Variants in IQCM observed in about 807,000 individuals in gnomAD.
IQCM encodes IQ motif containing M, also known as IQ domain-containing protein M.
IQCM carries 45 observed loss-of-function variants against 57.6 expected under a neutral mutation model. That is an observed-to-expected ratio of 0.78 (90% CI 0.62 to 1.00). The LOEUF (loss-of-function observed/expected upper bound fraction) is 1.00, where lower values mean the gene tolerates loss of function less well. IQCM is among the 50% of genes least tolerant of loss of function. IQCM has a pLI of 0.00. For missense variants in IQCM, 468 were observed against 511.6 expected (o/e 0.91, Z 0.82); for synonymous variants, 148 against 158.9 (o/e 0.93, Z 0.51).
intron 7 of IQCM, among the ~76,000 whole-genome samples, chr4:149,623,718 GGTGTGTGTGTGT>G (rs3057342): frequency 1.4e-5 from 2 of 145,998 alleles, no homozygotes; most frequent in South Asian, 2.2e-4. Flanking sequence ...CTGAATCCCA[GGTGTGTGTGTGT>G]GTGTGTGTGT....
chr4:149,507,720 G>GA lies in IQCM; in HGVS notation c.1228+40734dup, dbSNP rs1029690202. Among the ~76,000 whole-genome samples, 145 of 151,264 alleles carry GA rather than the reference G, an allele frequency of 9.6e-4. 1 individual carries two copies. Among genetic ancestry groups the GA allele is most frequent in the South Asian group, 4.8e-3 (23 of 4,792 alleles). On this transcript the variant is annotated intron_variant, in intron 12 of 13. Coordinates refer to ENST00000636793, the MANE Select transcript of IQCM (RefSeq NM_001363507.2). Reference sequence around the variant, plus strand: ...AAATTTGCAGCATGACAATGCAATAGAAAAAAAAATCCCATCTTCTGAGGA... The same window carrying GA: ...AAATTTGCAGCATGACAATGCAATAGAAAAAAAAAATCCCATCTTCTGAGGA...
intron 8 of IQCM, among the ~76,000 whole-genome samples, chr4:149,615,823 A>T (rs757181663): frequency 3.9e-5 from 6 of 151,936 alleles, no homozygotes; most frequent in Non-Finnish European, 8.8e-5. Context: ...CCTTGTTTCC[A>T]CTCCTCTTTT....
intron 2 of IQCM, among the ~76,000 whole-genome samples, chr4:149,767,979 G>C (rs918538835): frequency 6.6e-6 from 1 of 151,898 alleles, no homozygotes; most frequent in Non-Finnish European, 1.5e-5. Flanking sequence ...AACTTACATA[G>C]CTGGCCTAAT....
intron 2 of IQCM, among the ~76,000 whole-genome samples, chr4:149,778,207 T>C (rs1675061702): frequency 1.3e-5 from 2 of 152,112 alleles, no homozygotes; most frequent in Non-Finnish European, 2.9e-5. Flanking sequence ...AAACCCCATC[T>C]CTACTAAAAA....
In IQCM at chr4:149,569,740, T is replaced by G. The variant is rs1247918189; in HGVS notation, c.750-5850A>C. Among the ~76,000 whole-genome samples, 4 of 152,222 alleles carry G rather than the reference T, an allele frequency of 2.6e-5. No individual in the cohort carries two copies. The South Asian group carries it at 6.2e-4, about 24-fold the overall frequency. On this transcript the variant is annotated intron_variant, in intron 9 of 13. Transcript: ENST00000636793. ...TAAACTGACATCATAACCATGAACC[T>G]GTTAGACTAAGCAAAAGAACTGATT... is the stretch of plus-strand genomic sequence containing the variant.
chr4:149,491,387 C>T (rs1742077777), intron 12 of IQCM, among the ~76,000 whole-genome samples: 1 of 152,008 alleles, frequency 6.6e-6, no homozygotes, highest in Non-Finnish European at 1.5e-5. Flanking sequence ...ACTTATTATT[C>T]CTAATTGAAA....
intron 2 of IQCM, among the ~76,000 whole-genome samples, chr4:149,807,220 A>G (rs760708229): frequency 6.6e-6 from 1 of 152,066 alleles, no homozygotes; most frequent in Non-Finnish European, 1.5e-5. Context: ...AAGCAAAAAA[A>G]GCAAGGCTAG....
intron 8 of IQCM, among the ~76,000 whole-genome samples, chr4:149,601,921 G>A (rs1032983641): frequency 2.2e-4 from 34 of 151,554 alleles, no homozygotes; most frequent in African/African-American, 8.2e-4. Context: ...AGGCGTGGTG[G>A]CTGTCGCCTG....
intron 13 of IQCM, among the ~76,000 whole-genome samples, chr4:149,361,821 G>T (rs554609842): frequency 6.6e-6 from 1 of 152,190 alleles, no homozygotes; most frequent in African/African-American, 2.4e-5. Context: ...CCCTACTGGG[G>T]CACAGGAGAG....
intron 12 of IQCM, among the ~76,000 whole-genome samples, chr4:149,451,246 GAATA>G (rs1737089816): frequency 6.6e-6 from 1 of 151,640 alleles, no homozygotes; most frequent in East Asian, 1.9e-4. Context: ...AAAATAAAAA[GAATA>G]AATAAGTCCT....
At chr4:149,650,099 T>G (rs1759021179) in intron 7 of IQCM, among the ~76,000 whole-genome samples, 1 of 152,124 alleles carries the variant, frequency 6.6e-6, no homozygotes, top group Non-Finnish European at 1.5e-5. Context: ...ATGTTGACGT[T>G]CTAACTTTGA....
chr4:149,776,277 C>T (rs2149998979), intron 2 of IQCM, among the ~76,000 whole-genome samples: 1 of 152,204 alleles, frequency 6.6e-6, no homozygotes, highest in Admixed American at 6.5e-5. Flanking sequence ...TTTCAAAAAT[C>T]TATTTTCTTT....
intron 12 of IQCM, among the ~76,000 whole-genome samples, chr4:149,546,937 T>G (rs568282956): frequency 3.0e-4 from 46 of 151,694 alleles, no homozygotes; most frequent in African/African-American, 4.1e-4. Context: ...TTTCTTCTAG[T>G]GTTTTTATGG....
At chr4:149,695,694 G>C (rs1411962409) in intron 5 of IQCM, among the ~76,000 whole-genome samples, 1 of 152,100 alleles carries the variant, frequency 6.6e-6, no homozygotes, top group Non-Finnish European at 1.5e-5. Context: ...ACATAAGAGA[G>C]GGCAAATAAT....
At chr4:149,427,646 C>T (rs1734555445) in intron 13 of IQCM, among the ~76,000 whole-genome samples, 1 of 151,874 alleles carries the variant, frequency 6.6e-6, no homozygotes, top group South Asian at 2.1e-4. Context: ...TACAATATTG[C>T]AATAGTTTTT....
chr4:149,748,081 T>C (rs1768096568), intron 2 of IQCM, among the ~76,000 whole-genome samples: 1 of 152,192 alleles, frequency 6.6e-6, no homozygotes, highest in Admixed American at 6.6e-5. Context: ...AGCTTCAACT[T>C]ATGTTTAAAG....
At chr4:149,552,998 C>T in intron 11 of IQCM, 145 bp downstream of exon 11, 3 of 537,838 alleles carry the variant, frequency 5.6e-6, no homozygotes, top group Non-Finnish European at 8.5e-6. Flanking sequence ...TTCAAATGTA[C>T]AACATGCTAA....
At chr4:149,778,519 C>T (rs1771317354) in intron 2 of IQCM, among the ~76,000 whole-genome samples, 1 of 152,014 alleles carries the variant, frequency 6.6e-6, no homozygotes, top group African/African-American at 2.4e-5. Context: ...TGAGTTTTCA[C>T]CTTCAAGAAC....
At chr4:149,386,499 A>T (rs771586062) in intron 13 of IQCM, among the ~76,000 whole-genome samples, 1 of 152,106 alleles carries the variant, frequency 6.6e-6, no homozygotes, top group Non-Finnish European at 1.5e-5. Flanking sequence ...TAAAAGGTAT[A>T]CTTTTAAAAA....
Sources: gnomAD v4.1 joint callset for allele counts (sites outside exome capture counted in the v4.1 genomes callset) on GRCh38, gnomAD v4.1.1 for gene constraint, MANE v1.5 for transcripts, NCBI Gene and HGNC (gene_info 2026-07-23, HGNC 2026-07-21) for gene names.